The following GRXCR1 variants were observed in gnomAD, a reference collection of about 807,000 sequenced individuals.
The protein encoded by GRXCR1 is glutaredoxin and cysteine rich domain containing 1, also known as glutaredoxin domain-containing cysteine-rich protein 1.
In GRXCR1, 27 loss-of-function variants were observed where a neutral mutation model predicts 27.3. That is an observed-to-expected ratio of 0.99 (90% confidence interval 0.73 to 1.37). GRXCR1 has a LOEUF of 1.37. GRXCR1 is among the 40% of genes most tolerant of loss of function. The pLI, the probability that GRXCR1 is intolerant of heterozygous loss-of-function variation, is 0.00. For missense variants in GRXCR1, 379 were observed against 354.4 expected (o/e 1.07, Z -0.56); for synonymous variants, 122 against 131.1 (o/e 0.93, Z 0.47).
At chr4:42,923,145 A>G (rs556973215) in intron 1 of GRXCR1, among the ~76,000 whole-genome samples, 1 of 151,856 alleles carries the variant, frequency 6.6e-6, no homozygotes, top group East Asian at 2.0e-4. Flanking sequence ...CTTCTTATTC[A>G]CCCCTCCATA....
At chr4:42,975,014 G>A (rs1748479842) in intron 2 of GRXCR1, among the ~76,000 whole-genome samples, 1 of 152,080 alleles carries the variant, frequency 6.6e-6, no homozygotes, top group African/African-American at 2.4e-5. Flanking sequence ...CTTCAAAAGG[G>A]TGGTATGACT....
At chr4:42,952,146 AT>A (rs1416386649) in intron 1 of GRXCR1, among the ~76,000 whole-genome samples, 5 of 152,096 alleles carry the variant, frequency 3.3e-5, no homozygotes, top group African/African-American at 1.2e-4. Context: ...GCTTGACTCT[AT>A]TGTTTTTCAT....
chr4:42,997,450 G>T (rs1043904390), intron 2 of GRXCR1, among the ~76,000 whole-genome samples: 3 of 152,138 alleles, frequency 2.0e-5, no homozygotes, highest in Non-Finnish European at 4.4e-5. Flanking sequence ...TATAAACCGT[G>T]TTTTTTTATT....
intron 2 of GRXCR1, among the ~76,000 whole-genome samples, chr4:43,001,162 T>C (rs2109796554): frequency 6.6e-6 from 1 of 151,994 alleles, no homozygotes; most frequent in Non-Finnish European, 1.5e-5. Context: ...TTAAAGACGA[T>C]AGGATGCCTT....
chr4:42,911,695 T>A (rs187384015), intron 1 of GRXCR1, among the ~76,000 whole-genome samples: 4 of 152,226 alleles, frequency 2.6e-5, no homozygotes, highest in Non-Finnish European at 4.4e-5. Flanking sequence ...TGTACACCCA[T>A]TAGCTGTGAA....
intron 1 of GRXCR1, among the ~76,000 whole-genome samples, chr4:42,909,988 A>G (rs1249706212): frequency 1.3e-5 from 2 of 152,150 alleles, no homozygotes; most frequent in Non-Finnish European, 2.9e-5. Flanking sequence ...AGACTGGGTA[A>G]TTTACAAAGG....
intron 1 of GRXCR1, among the ~76,000 whole-genome samples, chr4:42,950,625 T>A (rs1747860696): frequency 6.6e-6 from 1 of 152,180 alleles, no homozygotes; most frequent in African/African-American, 2.4e-5. Flanking sequence ...GCTATGACAC[T>A]TTGGGTAGTA....
chr4:42,961,416 A>G (rs1748127577), intron 1 of GRXCR1, among the ~76,000 whole-genome samples: 1 of 151,984 alleles, frequency 6.6e-6, no homozygotes, highest in Non-Finnish European at 1.5e-5. Flanking sequence ...CACCATTTAT[A>G]AATCAGAAAA....
intron 2 of GRXCR1, among the ~76,000 whole-genome samples, chr4:43,014,479 C>T (rs1009220432): frequency 1.3e-5 from 2 of 152,134 alleles, no homozygotes; most frequent in African/African-American, 4.8e-5. Flanking sequence ...GCCATCTGCT[C>T]TCCTGATTAC....
chr4:42,990,341 G>T (rs959212594), intron 2 of GRXCR1, among the ~76,000 whole-genome samples: 2 of 150,210 alleles, frequency 1.3e-5, no homozygotes, highest in Non-Finnish European at 3.0e-5. Context: ...ACAGGCGCCC[G>T]CCACTACGCC....
intron 1 of GRXCR1, among the ~76,000 whole-genome samples, chr4:42,932,139 T>C (rs1577910465): frequency 6.6e-6 from 1 of 151,906 alleles, no homozygotes; most frequent in African/African-American, 2.4e-5. Flanking sequence ...GGGGACACAG[T>C]CAAACCATAT....
At chr4:43,013,307 G>A (rs2109803611) in intron 2 of GRXCR1, among the ~76,000 whole-genome samples, 1 of 152,200 alleles carries the variant, frequency 6.6e-6, no homozygotes, top group East Asian at 1.9e-4. Flanking sequence ...CAGCTCTAAA[G>A]AAGAAAATCA....
At chr4:43,001,998 C>G (rs11490693) in intron 2 of GRXCR1, among the ~76,000 whole-genome samples, 3 of 107,984 alleles carry the variant, frequency 2.8e-5, no homozygotes, top group Non-Finnish European at 4.1e-5. Context: ...AACATCTCAG[C>G]GGAGTAAAGA....
intron 1 of GRXCR1, among the ~76,000 whole-genome samples, chr4:42,946,932 C>G (rs992701468): frequency 6.6e-6 from 1 of 152,150 alleles, no homozygotes; most frequent in South Asian, 2.1e-4. Flanking sequence ...TCAGAAAGTA[C>G]GTAATGGTGC....
At chr4:42,924,388 C>T (rs566280039) in intron 1 of GRXCR1, among the ~76,000 whole-genome samples, 5 of 152,138 alleles carry the variant, frequency 3.3e-5, no homozygotes, top group African/African-American at 1.2e-4. Context: ...GTCACACTTA[C>T]ACTCAAAGTA....
chr4:42,894,943 C>A (rs910846334), intron 1 of GRXCR1, among the ~76,000 whole-genome samples: 7 of 152,066 alleles, frequency 4.6e-5, no homozygotes, highest in African/African-American at 1.7e-4. Context: ...TGTTTACATT[C>A]ATTATGATTA....
intron 1 of GRXCR1, among the ~76,000 whole-genome samples, chr4:42,910,795 C>T (rs1343023336): frequency 6.6e-6 from 1 of 152,112 alleles, no homozygotes; most frequent in Non-Finnish European, 1.5e-5. Context: ...GTATCCTAAA[C>T]GTACTTTGCT....
At chr4:43,018,633 A>G (rs1310535874) in intron 2 of GRXCR1, among the ~76,000 whole-genome samples, 1 of 152,170 alleles carries the variant, frequency 6.6e-6, no homozygotes, top group African/African-American at 2.4e-5. Flanking sequence ...TTTCTGGTAC[A>G]TTCATTTTGT....
chr4:42,954,701 C>G (rs1214621326), intron 1 of GRXCR1, among the ~76,000 whole-genome samples: 1 of 151,880 alleles, frequency 6.6e-6, no homozygotes, highest in Admixed American at 6.6e-5. Context: ...TAGAGAAGTT[C>G]CTTTTGATGT....
Sources: allele counts gnomAD v4.1 joint callset (sites outside exome capture counted in the v4.1 genomes callset), GRCh38; gene constraint gnomAD v4.1.1; transcripts MANE v1.5; gene names NCBI Gene and HGNC (gene_info 2026-07-23, HGNC 2026-07-21).